FRMPD4: variants seen among roughly 807,000 people sequenced by gnomAD.
FRMPD4 encodes the protein FERM and PDZ domain-containing protein 4.
A neutral mutation model predicts 94.1 loss-of-function variants in FRMPD4; 22 were observed. The observed-to-expected ratio is 0.23, with a 90% CI of 0.17 to 0.33. The LOEUF (loss-of-function observed/expected upper bound fraction) is 0.33, where lower values mean the gene tolerates loss of function less well. Ranked by LOEUF, FRMPD4 falls within the 10% of genes least tolerant of loss-of-function variation. The probability of loss-of-function intolerance (pLI) is 1.00; values close to 1 mark genes in which losing one functional copy is unlikely to be tolerated. For missense variants in FRMPD4, 1,111 were observed against 1,339.9 expected, an observed-to-expected ratio of 0.83 and a Z score of 2.67; for synonymous variants, 631 against 548.6, an observed-to-expected ratio of 1.15 and a Z score of -2.10.
At chrX:12,060,894 A>G (rs2054882131) in intron 3 of FRMPD4, among the ~76,000 whole-genome samples, 1 of 112,172 alleles carries the variant, frequency 8.9e-6, no homozygotes, top group Non-Finnish European at 1.9e-5. Flanking sequence ...AGGAATAGTA[A>G]CAATTTATTT....
At chrX:12,688,668 A>C (rs1476670006) in intron 7 of FRMPD4, among the ~76,000 whole-genome samples, 3 of 111,650 alleles carry the variant, frequency 2.7e-5, no homozygotes, top group Non-Finnish European at 5.6e-5. Context: ...TGCTTTATAA[A>C]GTATTTGTTG....
intron 1 of FRMPD4, among the ~76,000 whole-genome samples, chrX:12,272,389 C>T (rs1313712604): frequency 9.0e-6 from 1 of 111,364 alleles, no homozygotes; most frequent in Non-Finnish European, 1.9e-5. Flanking sequence ...CTAGCTGCTG[C>T]AGAACTGGCA....
At chrX:11,897,150 C>CAAA (rs997285182) in intron 3 of FRMPD4, among the ~76,000 whole-genome samples, 1 of 40,662 alleles carries the variant, frequency 2.5e-5, no homozygotes, top group Non-Finnish European at 4.8e-5. Flanking sequence ...GGATGAATTA[C>CAAA]AAAAAAAAAA....
At chrX:11,995,963 A>G (rs773939989) in intron 3 of FRMPD4, among the ~76,000 whole-genome samples, 50 of 112,245 alleles carry the variant, frequency 4.5e-4, no homozygotes, top group African/African-American at 1.5e-3. Flanking sequence ...ACATTTTATA[A>G]GTGCATCAAG....
chrX:12,571,672 T>A (rs775961262), intron 2 of FRMPD4, among the ~76,000 whole-genome samples: 1 of 112,903 alleles, frequency 8.9e-6, no homozygotes, highest in South Asian at 3.6e-4. Context: ...CAGCAAAGCA[T>A]CTATTCTTGA....
rs141850267 is a variant in FRMPD4 at position 11,911,145 on chromosome X, T to C, written c.95+33127T>C. Among the ~76,000 whole-genome samples the C allele has an allele frequency of 6.3e-3, 710 of 112,579 alleles. 6 individuals carry two copies. The highest frequency in any genetic ancestry group is 0.022 in the African/African-American group (670 of 31,014). On this transcript the variant is annotated intron_variant, in intron 3 of 18. Coordinates refer to the FRMPD4 transcript ENST00000640291. ...AGTGCAAAAGCAACCATGGACAATA[T>C]GTGAACAAATAAGCATGGCTGTGTT...
chrX:11,850,246 G>T (rs1049421531), intron 1 of FRMPD4, among the ~76,000 whole-genome samples: 49 of 112,190 alleles, frequency 4.4e-4, no homozygotes, highest in African/African-American at 1.5e-3. Context: ...ACCTATTAGG[G>T]TGGTCACTAT....
intron 1 of FRMPD4, among the ~76,000 whole-genome samples, chrX:12,429,239 C>T (rs2056985599): frequency 8.9e-6 from 1 of 111,785 alleles, no homozygotes; most frequent in Admixed American, 9.4e-5. Context: ...TCCAAGGTGA[C>T]TGCAGCCTCT....
chrX:12,608,935 C>T (rs946735106), intron 2 of FRMPD4, among the ~76,000 whole-genome samples: 1 of 112,054 alleles, frequency 8.9e-6, no homozygotes, highest in Admixed American at 9.5e-5. Flanking sequence ...CAAAAATCCA[C>T]GTATAACTTT....
At chrX:12,288,799 G>A (rs1346984155) in intron 1 of FRMPD4, among the ~76,000 whole-genome samples, 1 of 111,695 alleles carries the variant, frequency 9.0e-6, no homozygotes, top group Non-Finnish European at 1.9e-5. Flanking sequence ...TTGAGTAATG[G>A]ACACTATTTG....
chrX:12,083,093 G>C (rs1177536144), intron 3 of FRMPD4, among the ~76,000 whole-genome samples: 1 of 112,683 alleles, frequency 8.9e-6, no homozygotes, highest in Non-Finnish European at 1.9e-5. Context: ...AAGACCATGG[G>C]GAAAATGTCT....
chrX:12,134,714 A>G (rs1039158251), upstream of FRMPD4, among the ~76,000 whole-genome samples: 4 of 112,337 alleles, frequency 3.6e-5, no homozygotes, highest in African/African-American at 1.3e-4. Flanking sequence ...TGCCCAGGCA[A>G]CAAAGTGTTT....
chrX:12,430,322 A>G (rs1302803280), intron 1 of FRMPD4, among the ~76,000 whole-genome samples: 1 of 112,366 alleles, frequency 8.9e-6, no homozygotes, highest in Non-Finnish European at 1.9e-5. Context: ...CTTTCAGGAA[A>G]AGACACACAT....
At chrX:11,910,169 G>C (rs747419357) in intron 3 of FRMPD4, among the ~76,000 whole-genome samples, 2 of 111,411 alleles carry the variant, frequency 1.8e-5, no homozygotes, top group Non-Finnish European at 3.8e-5. Flanking sequence ...TAAAATGTGA[G>C]ACTTCTCCAC....
At chrX:12,670,517 G>T (rs921929511) in intron 4 of FRMPD4, among the ~76,000 whole-genome samples, 1 of 112,296 alleles carries the variant, frequency 8.9e-6, no homozygotes, top group African/African-American at 3.2e-5. Flanking sequence ...AATAAATGGT[G>T]TTGGGAAAAC....
chrX:12,638,403 A>AT (rs1259435357), intron 4 of FRMPD4, among the ~76,000 whole-genome samples: 1 of 110,313 alleles, frequency 9.1e-6, no homozygotes, highest in Non-Finnish European at 1.9e-5. Context: ...TGCCCAGCTA[A>AT]TTTTTTTTCT....
At chrX:12,390,698 C>T (rs1247268520) in intron 1 of FRMPD4, among the ~76,000 whole-genome samples, 1 of 111,650 alleles carries the variant, frequency 9.0e-6, no homozygotes, top group African/African-American at 3.3e-5. Flanking sequence ...TCTGACATTA[C>T]CTTATGATGT....
In FRMPD4 at chrX:12,701,966, C is replaced by G. The variant is rs151227565; in HGVS notation, c.1026C>G (p.Thr342=). The G allele has an allele frequency of 8.3e-7, 1 of 1,210,227 alleles. No homozygotes were observed. The highest frequency in any genetic ancestry group is 2.2e-5 in the Admixed American group (1 of 46,143). ...CCGCATTACAAATGTACATTGCAAC[C>G]GTTACCACCAAGCAAACGCAGAAAA... is the stretch of plus-strand genomic sequence containing the variant. The part of the protein sequence containing the change: ...RLAALQMYIA[T]VTTKQTQKIS... The change falls in exon 10 of 17, where the codon ACC becomes ACG. Residue 342 remains threonine (T), a synonymous_variant. Transcript: ENST00000675598.
intron 1 of FRMPD4, among the ~76,000 whole-genome samples, chrX:12,302,352 A>C (rs983226242): frequency 8.9e-6 from 1 of 111,981 alleles, no homozygotes; most frequent in South Asian, 3.7e-4. Context: ...ACAATTTATT[A>C]ATTATTAGAT....
Sources: allele counts gnomAD v4.1 joint callset (sites outside exome capture counted in the v4.1 genomes callset), GRCh38; gene constraint gnomAD v4.1.1; transcripts MANE v1.5; gene names NCBI Gene and HGNC (gene_info 2026-07-23, HGNC 2026-07-21).